MYT1L: variants seen among roughly 807,000 people sequenced by gnomAD.
MYT1L encodes the protein myelin transcription factor 1-like protein.
MYT1L carries 12 observed loss-of-function variants against 126.7 expected under a neutral mutation model. That is an observed-to-expected ratio of 0.09 (90% confidence interval 0.06 to 0.15). The LOEUF is 0.15. Among genes scored for constraint, MYT1L ranks in the 10% least tolerant of loss-of-function variants. MYT1L has a pLI of 1.00. For missense variants in MYT1L, 979 were observed against 1,585.2 expected, an observed-to-expected ratio of 0.62 and a Z score of 6.49; for synonymous variants, 541 against 604.2, an observed-to-expected ratio of 0.90 and a Z score of 1.53.
At chr2:1,815,593 G>A (rs1328009951) in intron 21 of MYT1L, among the ~76,000 whole-genome samples, 1 of 152,240 alleles carries the variant, frequency 6.6e-6, no homozygotes. Flanking sequence ...GGGGCCGAGA[G>A]GCCGAGCTGC....
intron 3 of MYT1L, among the ~76,000 whole-genome samples, chr2:2,058,181 T>C (rs114203744): frequency 1.9e-3 from 282 of 152,354 alleles, no homozygotes; most frequent in African/African-American, 6.4e-3. Context: ...ATTTGCCTAA[T>C]AGTTGATGGA....
chr2:2,099,343 T>G (rs2077785264), intron 3 of MYT1L, among the ~76,000 whole-genome samples: 1 of 150,870 alleles, frequency 6.6e-6, no homozygotes, highest in Admixed American at 6.6e-5. Flanking sequence ...AAATGTCATT[T>G]GTTTTTTTTT....
chr2:2,311,863 G>T (rs1463793164), intron 1 of MYT1L, among the ~76,000 whole-genome samples: 1 of 152,214 alleles, frequency 6.6e-6, no homozygotes, highest in Non-Finnish European at 1.5e-5. Flanking sequence ...TGGCTTCAAT[G>T]TATTAACAAG....
intron 20 of MYT1L, among the ~76,000 whole-genome samples, chr2:1,839,619 T>A (rs1220509006): frequency 1.3e-5 from 2 of 152,174 alleles, no homozygotes; most frequent in African/African-American, 4.8e-5. Context: ...TGGAACAAAG[T>A]GTATGTGCCT....
chr2:2,069,788 A>G (rs895970688), intron 3 of MYT1L, among the ~76,000 whole-genome samples: 2 of 151,860 alleles, frequency 1.3e-5, no homozygotes, highest in Non-Finnish European at 2.9e-5. Flanking sequence ...ATGGCATCTC[A>G]CTGTGGTTTT....
chr2:2,057,224 T>C (rs549119947), intron 3 of MYT1L, among the ~76,000 whole-genome samples: 2 of 152,316 alleles, frequency 1.3e-5, no homozygotes, highest in South Asian at 4.1e-4. Flanking sequence ...CTCTGTGTCC[T>C]TTTATAGCCC....
chr2:1,813,989 T>C (rs1427394588), intron 21 of MYT1L, among the ~76,000 whole-genome samples: 7 of 131,646 alleles, frequency 5.3e-5, no homozygotes, highest in Admixed American at 8.5e-5. Flanking sequence ...ATCGCGCCAC[T>C]GCACTCCAGC....
intron 2 of MYT1L, among the ~76,000 whole-genome samples, chr2:2,275,011 G>A (rs145775203): frequency 4.7e-4 from 71 of 152,318 alleles, no homozygotes; most frequent in Non-Finnish European, 7.6e-4. Context: ...GACCAGGGCA[G>A]TGTTGCACCC....
At chr2:1,963,216 G>A (rs1473256206) in intron 8 of MYT1L, among the ~76,000 whole-genome samples, 1 of 152,230 alleles carries the variant, frequency 6.6e-6, no homozygotes, top group African/African-American at 2.4e-5. Context: ...TTGCCCATGA[G>A]CAGTAAGAAA....
intron 11 of MYT1L, among the ~76,000 whole-genome samples, chr2:1,913,994 AC>A (rs2052444012): frequency 6.6e-6 from 1 of 152,026 alleles, no homozygotes; most frequent in South Asian, 2.1e-4. Flanking sequence ...GGTGGCTCAC[AC>A]CTGTAATTCC....
intron 2 of MYT1L, among the ~76,000 whole-genome samples, chr2:2,277,088 T>G (rs1207762143): frequency 6.6e-6 from 1 of 152,034 alleles, no homozygotes; most frequent in Non-Finnish European, 1.5e-5. Flanking sequence ...TTCACACCAT[T>G]CTCCTGCCTC....
chr2:2,121,573 G>A (rs1378058297), intron 3 of MYT1L, among the ~76,000 whole-genome samples: 3 of 150,578 alleles, frequency 2.0e-5, no homozygotes, highest in Admixed American at 6.6e-5. Context: ...TGCAACCTCC[G>A]CCTTCCGGGT....
rs566061195 is a variant in MYT1L at position 1,835,644 on chromosome 2, T to A, written c.3080+3505A>T. Among the ~76,000 whole-genome samples, 252 of 152,262 alleles carry A rather than the reference T, an allele frequency of 1.7e-3. 4 individuals are homozygous for A. The highest frequency in any genetic ancestry group is 5.7e-3 in the African/African-American group (235 of 41,558). ...GGCCTGGACTGCCCCTTTCCCCTTA[T>A]GCCACTACTCCGGGTTTTCCTTTGC... On this transcript the variant is annotated intron_variant, in intron 21 of 24. Coordinates refer to ENST00000647738, the MANE Select transcript of MYT1L (RefSeq NM_001303052.2).
At position 1,889,117 on chromosome 2, in the gene MYT1L, G is replaced by T; in HGVS notation, c.2520+124C>A. ...AAAACTGTTTTCTAAGTCCTCCTCAGCTAAAGGTCATATTTAAAGAGAAAA... is the reference window on the plus strand; with the variant it reads ...AAAACTGTTTTCTAAGTCCTCCTCATCTAAAGGTCATATTTAAAGAGAAAA... On this transcript the variant is annotated intron_variant, in intron 16 of 24. Transcript: ENST00000647738. This position sits in a 1 kb window ranked among gnomAD's most constrained non-coding sequence, Gnocchi z 4.1. The T allele has an allele frequency of 1.4e-6, 1 of 716,518 alleles. No individual in the cohort carries two copies. The highest frequency in any genetic ancestry group is 2.2e-6 in the Non-Finnish European group (1 of 447,958). 44.4% of individuals were successfully genotyped at this position (716,518 alleles called of 1,614,324 possible).
intron 2 of MYT1L, among the ~76,000 whole-genome samples, chr2:2,236,802 CTTCT>C (rs2094327693): frequency 1.1e-4 from 2 of 18,240 alleles, no homozygotes; most frequent in Non-Finnish European, 1.7e-4. Flanking sequence ...TCTTCTTCTT[CTTCT>C]TCTTCTTCTT....
intron 2 of MYT1L, among the ~76,000 whole-genome samples, chr2:2,217,657 C>T (rs946170197): frequency 8.1e-6 from 1 of 124,118 alleles, no homozygotes; most frequent in Non-Finnish European, 1.6e-5. Flanking sequence ...GGGGACAGAA[C>T]AAAACTCCAT....
rs2060427803 is a variant in MYT1L at position 1,979,379 on chromosome 2, G to T, written c.89+142C>A. On this transcript the variant is annotated intron_variant, in intron 7 of 24. Coordinates refer to ENST00000647738, the MANE Select transcript of MYT1L (RefSeq NM_001303052.2). The surrounding 1 kb of genome is among the most constrained non-coding windows in gnomAD (Gnocchi z 4.0). ...GGAAATTCGGGGAGGCTTTTTACGA[G>T]CAAGTCTCGGGGGAATTAATTTCAT... is the stretch of plus-strand genomic sequence containing the variant. The T allele has an allele frequency of 1.8e-6, 2 of 1,110,864 alleles. No homozygotes were observed. The highest frequency in any genetic ancestry group is 2.7e-6 in the Non-Finnish European group (2 of 737,836). The allele number at this position is 1,110,864 out of a possible 1,614,324, so 68.8% of individuals were successfully genotyped here. A position where few individuals can be genotyped will look rare whatever the true frequency, so the allele number is the denominator to read the frequency against.
chr2:2,077,423 C>A (rs2150287986), intron 3 of MYT1L, among the ~76,000 whole-genome samples: 1 of 152,096 alleles, frequency 6.6e-6, no homozygotes, highest in Admixed American at 6.5e-5. Context: ...AAGGCAAAGG[C>A]AAAAATTTTT....
intron 8 of MYT1L, among the ~76,000 whole-genome samples, chr2:1,978,215 C>T (rs750694333): frequency 1.3e-5 from 2 of 152,158 alleles, no homozygotes; most frequent in African/African-American, 2.4e-5. Context: ...AATGCAAGGC[C>T]GTGAGGAGAG....
Sources: allele counts gnomAD v4.1 joint callset (sites outside exome capture counted in the v4.1 genomes callset), GRCh38; gene constraint gnomAD v4.1.1; non-coding constraint Gnocchi (gnomAD v3.1); transcripts MANE v1.5; gene names NCBI Gene and HGNC (gene_info 2026-07-23, HGNC 2026-07-21).